PKHD1: variants seen among roughly 807,000 people sequenced by gnomAD.
PKHD1 encodes fibrocystin.
PKHD1 carries 291 observed loss-of-function variants against 412.0 expected under a neutral mutation model. The ratio of observed to expected loss-of-function variants is 0.71; its 90% CI spans 0.64 to 0.78. PKHD1 has a LOEUF of 0.78. PKHD1 is among the 30% of genes least tolerant of loss of function. The pLI is 0.00. For missense variants in PKHD1, 4,825 were observed against 4,950.7 expected (o/e 0.97, Z 0.76); for synonymous variants, 1,777 against 1,821.5 (o/e 0.98, Z 0.62).
chr6:51,657,587 G>A (rs1439797629), intron 61 of PKHD1, among the ~76,000 whole-genome samples: 1 of 152,050 alleles, frequency 6.6e-6, no homozygotes, highest in African/African-American at 2.4e-5. Context: ...TATTAAATCA[G>A]AAATAACTGA....
chr6:51,684,179 A>T (rs142026411), intron 60 of PKHD1, among the ~76,000 whole-genome samples: 79 of 152,202 alleles, frequency 5.2e-4, no homozygotes, highest in African/African-American at 1.9e-3. Context: ...AAGAAAGTTG[A>T]ACTTGTAGCT....
intron 52 of PKHD1, among the ~76,000 whole-genome samples, chr6:51,810,616 T>C (rs997344287): frequency 6.6e-6 from 1 of 152,148 alleles, no homozygotes; most frequent in African/African-American, 2.4e-5. Context: ...GAAATAGTTT[T>C]CTCTGCTCAC....
At chr6:51,847,609 G>A (rs1191567269) in intron 50 of PKHD1, among the ~76,000 whole-genome samples, 166 bp downstream of exon 50, 1 of 152,122 alleles carries the variant, frequency 6.6e-6, no homozygotes, top group Non-Finnish European at 1.5e-5. Context: ...TTGGAGCTGG[G>A]ATTTAAACCC....
chr6:51,919,233 G>C (rs556686953), intron 37 of PKHD1, among the ~76,000 whole-genome samples: 147 of 152,218 alleles, frequency 9.7e-4, no homozygotes, highest in Non-Finnish European at 1.5e-3. Context: ...TATTGCCTAG[G>C]TTTTTTTCTA....
intron 48 of PKHD1, among the ~76,000 whole-genome samples, chr6:51,859,006 C>T (rs1164548904): frequency 1.3e-5 from 2 of 152,192 alleles, no homozygotes; most frequent in Non-Finnish European, 1.5e-5. Flanking sequence ...CCTAGGCACA[C>T]ACAAGCAATG....
chr6:51,829,667 G>A (rs868193584), intron 52 of PKHD1, among the ~76,000 whole-genome samples: 1 of 152,112 alleles, frequency 6.6e-6, no homozygotes. Flanking sequence ...CCTGTCCCTC[G>A]TGTCTCTGGG....
chr6:51,813,548 A>G (rs1765008582), intron 52 of PKHD1, among the ~76,000 whole-genome samples: 1 of 151,010 alleles, frequency 6.6e-6, no homozygotes, highest in Non-Finnish European at 1.5e-5. Context: ...TATTTCCTAC[A>G]TTTTTTTTTA....
chr6:52,056,448 T>C (rs770260165), intron 18 of PKHD1, among the ~76,000 whole-genome samples: 1 of 152,054 alleles, frequency 6.6e-6, no homozygotes, highest in Non-Finnish European at 1.5e-5. Flanking sequence ...ATGGGGAGTA[T>C]AGGAGGGTGC....
At chr6:52,066,310 C>T (rs190119288) in intron 11 of PKHD1, among the ~76,000 whole-genome samples, 4 of 152,214 alleles carry the variant, frequency 2.6e-5, no homozygotes, top group African/African-American at 9.6e-5. Flanking sequence ...AATGTGGAAT[C>T]ATTCATGGTA....
intron 61 of PKHD1, among the ~76,000 whole-genome samples, chr6:51,656,906 T>C (rs1050050319): frequency 2.0e-5 from 3 of 151,900 alleles, no homozygotes; most frequent in African/African-American, 7.3e-5. Context: ...TCCACCTACC[T>C]CCACCTCCCA....
At chr6:51,657,346 G>GT (rs1772041285) in intron 61 of PKHD1, among the ~76,000 whole-genome samples, 1 of 152,054 alleles carries the variant, frequency 6.6e-6, no homozygotes. Flanking sequence ...GAAAACATGA[G>GT]AAACCTTGCT....
rs1793602127 is a variant in PKHD1 at position 51,971,053 on chromosome 6, A to G, written c.5752-11027T>C. On this transcript the variant is annotated intron_variant, in intron 35 of 66. Coordinates refer to ENST00000371117, the MANE Select transcript of PKHD1 (RefSeq NM_138694.4). The stretch of plus-strand genomic sequence containing the variant: ...ATTGCTTTCAATCCGTGAGCATGAG[A>G]TGTTTTTTCCATTTGTTTGTGTCAT... Among the ~76,000 whole-genome samples, 4 of 152,138 alleles carry G rather than the reference A, an allele frequency of 2.6e-5. No individual in the cohort carries two copies. In the South Asian group the frequency reaches 8.3e-4, roughly 31 times the overall value.
At chr6:51,631,704 C>T (rs1204512451) in intron 65 of PKHD1, among the ~76,000 whole-genome samples, 1 of 152,022 alleles carries the variant, frequency 6.6e-6, no homozygotes, top group Admixed American at 6.6e-5. Context: ...ATCTGCTCAC[C>T]TATCTCCTCC....
At chr6:51,851,604 T>C (rs563606666) in intron 49 of PKHD1, among the ~76,000 whole-genome samples, 2 of 152,232 alleles carry the variant, frequency 1.3e-5, no homozygotes, top group Admixed American at 1.3e-4. Flanking sequence ...TTGGTCTATT[T>C]AGGGATTCAG....
intron 53 of PKHD1, among the ~76,000 whole-genome samples, chr6:51,777,586 G>A (rs149033116): frequency 1.9e-3 from 282 of 148,318 alleles, no homozygotes; most frequent in African/African-American, 6.6e-3. Context: ...TGTGTATGGC[G>A]TAGCTGTTAT....
chr6:51,971,046 G>A (rs1793599494), intron 35 of PKHD1, among the ~76,000 whole-genome samples: 1 of 152,178 alleles, frequency 6.6e-6, no homozygotes, highest in Non-Finnish European at 1.5e-5. Flanking sequence ...CAATCCGTGA[G>A]CATGAGATGT....
chr6:52,019,679 A>G (rs1278894368), intron 33 of PKHD1, among the ~76,000 whole-genome samples: 1 of 152,224 alleles, frequency 6.6e-6, no homozygotes, highest in African/African-American at 2.4e-5. Context: ...TTAGCTTTCC[A>G]TGCCTTATGG....
intron 37 of PKHD1, among the ~76,000 whole-genome samples, chr6:51,930,306 C>G (rs776410594): frequency 6.6e-6 from 1 of 152,024 alleles, no homozygotes; most frequent in African/African-American, 2.4e-5. Flanking sequence ...ACTAAACAAT[C>G]TGAACTCCAC....
Position 51,852,004 on chromosome 6 carries a change from C to T in PKHD1, c.7911+3889G>A, listed in dbSNP as rs1772357896. On this transcript the variant is annotated intron_variant, in intron 49 of 66. Transcript: ENST00000371117. ...TCTTTTAATTGTGATGTTAGGGTATCGATTTGAGATCTTTCTAGCTTTCTG... is the reference window on the plus strand; with the variant it reads ...TCTTTTAATTGTGATGTTAGGGTATTGATTTGAGATCTTTCTAGCTTTCTG... Among the ~76,000 whole-genome samples, 7 of 152,102 alleles carry T rather than the reference C, an allele frequency of 4.6e-5. No individual in the cohort carries two copies. In the South Asian group the frequency reaches 1.2e-3, roughly 27 times the overall value.
Sources: allele counts gnomAD v4.1 joint callset (sites outside exome capture counted in the v4.1 genomes callset), GRCh38; gene constraint gnomAD v4.1.1; transcripts MANE v1.5; gene names NCBI Gene and HGNC (gene_info 2026-07-23, HGNC 2026-07-21).